Variants in TMEM116 observed in about 807,000 individuals in gnomAD.
TMEM116 encodes the protein transmembrane protein 116.
A neutral mutation model predicts 44.3 loss-of-function variants in TMEM116; 38 were observed. The ratio of observed to expected loss-of-function variants is 0.86; its 90% CI spans 0.66 to 1.12. The LOEUF is 1.12. Among genes scored for constraint, TMEM116 ranks in the 50% most tolerant of loss-of-function variants. The probability of loss-of-function intolerance (pLI) is 0.00; values close to 1 mark genes in which losing one functional copy is unlikely to be tolerated. For synonymous variants in TMEM116, 132 were observed against 144.8 expected (o/e 0.91, Z 0.64); for missense variants, 354 against 401.7 (o/e 0.88, Z 1.01).
chr12:111,949,867 C>G (rs190405398), intron 4 of TMEM116, among the ~76,000 whole-genome samples: 1 of 152,168 alleles, frequency 6.6e-6, no homozygotes, highest in Non-Finnish European at 1.5e-5. Flanking sequence ...GTAATCCCAG[C>G]ACTTTGGAAG....
In TMEM116 at chr12:111,962,205, T is replaced by C. The variant is rs148539787; in HGVS notation, c.211-18836A>G. Among the ~76,000 whole-genome samples, 600 of 152,258 alleles carry C rather than the reference T, an allele frequency of 3.9e-3. 2 individuals carry two copies. The highest frequency in any genetic ancestry group is 0.014 in the African/African-American group (574 of 41,530). ...TGGAAAAACATTCCATGTTCATGGA[T>C]AGGAAGAATCAATATCATGAAAATG... is the stretch of plus-strand genomic sequence containing the variant. On this transcript the variant is annotated intron_variant, in intron 4 of 10. Coordinates refer to ENST00000552374, the MANE Select transcript of TMEM116 (RefSeq NM_001193531.2).
At chr12:111,940,305 C>T (rs1356027921) in intron 5 of TMEM116, among the ~76,000 whole-genome samples, 1 of 150,090 alleles carries the variant, frequency 6.7e-6, no homozygotes, top group East Asian at 2.0e-4. Flanking sequence ...TGTATATTTT[C>T]CCTTCTTCAT....
intron 4 of TMEM116, among the ~76,000 whole-genome samples, chr12:111,984,779 A>T (rs916944662): frequency 6.6e-6 from 1 of 152,128 alleles, no homozygotes; most frequent in East Asian, 1.9e-4. Flanking sequence ...GCATGCCTGT[A>T]TCAAAACATT....
chr12:111,956,177 G>A (rs911143356), intron 4 of TMEM116, among the ~76,000 whole-genome samples: 1 of 152,106 alleles, frequency 6.6e-6, no homozygotes, highest in African/African-American at 2.4e-5. Context: ...GATCAGCTAT[G>A]GGTTTCCTAT....
At chr12:111,943,946 G>A (rs1170819796) in intron 4 of TMEM116, among the ~76,000 whole-genome samples, 1 of 152,000 alleles carries the variant, frequency 6.6e-6, no homozygotes, top group Admixed American at 6.6e-5. Context: ...CTGCCCCACA[G>A]TCCCACTTTT....
rs2077421076 is a variant in TMEM116, at chr12:112,003,866, G to A, written c.15-3C>T. ...TAAGTGAACTTGAACCTATAACACT[G>A]AGAAATTTAGAAGATGATTGATCAT... On this transcript the variant is annotated splice_region_variant and splice_polypyrimidine_tract_variant and intron_variant, in intron 2 of 10. Coordinates refer to ENST00000552374, the MANE Select transcript of TMEM116 (RefSeq NM_001193531.2). 1 of 1,495,790 alleles carries A rather than the reference G, an allele frequency of 6.7e-7. No homozygotes were observed. Among genetic ancestry groups the A allele is most frequent in the South Asian group, 1.3e-5 (1 of 75,848 alleles). The allele number at this position is 1,495,790 out of a possible 1,614,324, so 92.7% of individuals were successfully genotyped here.
At chr12:111,945,079 A>T (rs995178284) in intron 4 of TMEM116, among the ~76,000 whole-genome samples, 1 of 150,730 alleles carries the variant, frequency 6.6e-6, no homozygotes, top group African/African-American at 2.4e-5. Flanking sequence ...CATCTAAAAA[A>T]AAAAAAAAAA....
chr12:111,956,675 G>C (rs1364309796), intron 4 of TMEM116, among the ~76,000 whole-genome samples: 1 of 152,186 alleles, frequency 6.6e-6, no homozygotes, highest in African/African-American at 2.4e-5. Flanking sequence ...CGCCACACCT[G>C]ACTGGTTTTC....
chr12:111,993,573 T>G, intron 3 of TMEM116: 1 of 543,174 alleles, frequency 1.8e-6, no homozygotes, highest in South Asian at 1.6e-5. Context: ...AGACCAAGAC[T>G]TTGAGGGATG....
intron 4 of TMEM116, among the ~76,000 whole-genome samples, chr12:111,980,582 T>A (rs995960642): frequency 6.6e-6 from 1 of 152,086 alleles, no homozygotes; most frequent in Non-Finnish European, 1.5e-5. Flanking sequence ...TGAATAATAA[T>A]GTACCAATAT....
At chr12:111,932,683 C>T (rs371029634) in intron 9 of TMEM116, 24 bp from the exon 10 acceptor site, 1 of 1,602,258 alleles carries the variant, frequency 6.2e-7, no homozygotes, top group Non-Finnish European at 8.6e-7. Context: ...AAGTGTAAAC[C>T]TTCTTGTCAG....
At chr12:111,981,904 A>G (rs565818524) in intron 4 of TMEM116, among the ~76,000 whole-genome samples, 1 of 152,334 alleles carries the variant, frequency 6.6e-6, no homozygotes, top group South Asian at 2.1e-4. Context: ...CTTGGAGTAT[A>G]TTATCCTAAC....
chr12:111,939,930 GTGTGTA>G (rs1393843950), intron 5 of TMEM116, among the ~76,000 whole-genome samples: 10 of 137,392 alleles, frequency 7.3e-5, no homozygotes, highest in Non-Finnish European at 1.3e-4. Context: ...GTGTGTGTGT[GTGTGTA>G]TGGAGCTACT....
chr12:111,980,556 A>T (rs1179184665), intron 4 of TMEM116, among the ~76,000 whole-genome samples: 1 of 152,200 alleles, frequency 6.6e-6, no homozygotes, highest in African/African-American at 2.4e-5. Flanking sequence ...AACTTAGAGT[A>T]AACTACTGAC....
chr12:111,940,817 C>A (rs1362605969), intron 5 of TMEM116, among the ~76,000 whole-genome samples: 2 of 151,926 alleles, frequency 1.3e-5, no homozygotes, highest in Non-Finnish European at 2.9e-5. Flanking sequence ...CTAATCATGG[C>A]AACTTCTTTA....
intron 4 of TMEM116, among the ~76,000 whole-genome samples, chr12:111,959,139 C>T (rs2074384979): frequency 6.6e-6 from 1 of 152,226 alleles, no homozygotes; most frequent in Admixed American, 6.5e-5. Context: ...ATCAGACTAA[C>T]AGTAGATCTC....
intron 5 of TMEM116, among the ~76,000 whole-genome samples, chr12:111,940,204 C>T (rs992058311): frequency 5.9e-5 from 9 of 151,492 alleles, no homozygotes; most frequent in African/African-American, 2.2e-4. Context: ...ACCTGGGAGG[C>T]GGAGGTTGCA....
At chr12:111,996,603 G>T (rs1000949358) in intron 3 of TMEM116, among the ~76,000 whole-genome samples, 2 of 152,154 alleles carry the variant, frequency 1.3e-5, no homozygotes, top group Non-Finnish European at 2.9e-5. Flanking sequence ...AAAAGAGTTT[G>T]ACATTAATTT....
At chr12:111,993,854 A>C (rs1282797266) in intron 3 of TMEM116, 2 of 751,338 alleles carry the variant, frequency 2.7e-6, no homozygotes, top group Non-Finnish European at 5.0e-6. Flanking sequence ...GTGTTGAATA[A>C]AGAAAAAGGT....
Sources: allele counts gnomAD v4.1 joint callset (sites outside exome capture counted in the v4.1 genomes callset), GRCh38; gene constraint gnomAD v4.1.1; transcripts MANE v1.5; gene names NCBI Gene and HGNC (gene_info 2026-07-23, HGNC 2026-07-21).